The following SEPTIN14 variants were observed in gnomAD, a reference collection of about 807,000 sequenced individuals.
The protein encoded by SEPTIN14 is septin-14.
SEPTIN14 carries 40 observed loss-of-function variants against 53.6 expected under a neutral mutation model. The observed-to-expected ratio is 0.75, with a 90% confidence interval of 0.58 to 0.97. The LOEUF (loss-of-function observed/expected upper bound fraction) is 0.97, where lower values mean the gene tolerates loss of function less well. Among genes scored for constraint, SEPTIN14 ranks in the 50% least tolerant of loss-of-function variants. SEPTIN14 has a pLI of 0.00. For synonymous variants in SEPTIN14, 138 were observed against 166.8 expected (o/e 0.83, Z 1.33); for missense variants, 471 against 508.2 (o/e 0.93, Z 0.70).
chr7:55,834,634 GTT>G, intron 5 of SEPTIN14, 48 bp from the exon 6 acceptor site: 1 of 1,483,024 alleles, frequency 6.7e-7, no homozygotes, highest in South Asian at 1.3e-5. Context: ...TCATCTCACA[GTT>G]TTTTTGTTTT....
At chr7:55,806,392 A>C (rs1313622415) in intron 8 of SEPTIN14, among the ~76,000 whole-genome samples, 1 of 151,848 alleles carries the variant, frequency 6.6e-6, no homozygotes, top group Non-Finnish European at 1.5e-5. Flanking sequence ...TGGTTCCTCC[A>C]TCAAACTCTT....
chr7:55,851,774 C>T (rs549229565), intron 2 of SEPTIN14, among the ~76,000 whole-genome samples: 22 of 150,904 alleles, frequency 1.5e-4, no homozygotes, highest in Non-Finnish European at 2.4e-4. Flanking sequence ...TTTGGGAGGC[C>T]GAGGTGGGTG....
At chr7:55,811,220 T>C in intron 7 of SEPTIN14, 1 of 527,932 alleles carries the variant, frequency 1.9e-6, no homozygotes, top group Non-Finnish European at 3.8e-6. Flanking sequence ...CTTTGCGCAG[T>C]GCCTTGGGGA....
intron 2 of SEPTIN14, among the ~76,000 whole-genome samples, chr7:55,861,137 G>A (rs1225711778): frequency 6.6e-6 from 1 of 152,158 alleles, no homozygotes; most frequent in African/African-American, 2.4e-5. Flanking sequence ...AAAGCCCAAA[G>A]ATAAAATGGA....
In SEPTIN14 at chr7:55,808,157, C is replaced by G. The variant is rs527460475; in HGVS notation, c.818-899G>C. The stretch of plus-strand genomic sequence containing the variant: ...TAAACTACACTTTAGACCAAATAGA[C>G]CTAATGGACATATGTGGAATATTTC... On this transcript the variant is annotated intron_variant, in intron 7 of 9. Coordinates refer to ENST00000388975, the MANE Select transcript of SEPTIN14 (RefSeq NM_207366.3). Among the ~76,000 whole-genome samples, 6 of 152,196 alleles carry G rather than the reference C, an allele frequency of 3.9e-5. No individual in the cohort carries two copies. In the East Asian group the frequency reaches 1.2e-3, roughly 29 times the overall value.
chr7:55,806,932 G>A (rs144032309), intron 8 of SEPTIN14, among the ~76,000 whole-genome samples, 158 bp downstream of exon 8: 14 of 152,064 alleles, frequency 9.2e-5, no homozygotes, highest in Non-Finnish European at 1.6e-4. Context: ...CTCTACCTTC[G>A]TCAAAAGATC....
At chr7:55,822,341 A>G (rs1788910293) in intron 6 of SEPTIN14, among the ~76,000 whole-genome samples, 1 of 152,254 alleles carries the variant, frequency 6.6e-6, no homozygotes, top group African/African-American at 2.4e-5. Flanking sequence ...AACTTAACCT[A>G]TGTATTCACC....
At chr7:55,856,766 T>C (rs1789635131) in intron 2 of SEPTIN14, among the ~76,000 whole-genome samples, 1 of 152,136 alleles carries the variant, frequency 6.6e-6, no homozygotes, top group Non-Finnish European at 1.5e-5. Flanking sequence ...CTATTGTGAA[T>C]AGCGCTGAGA....
At chr7:55,857,518 G>GGAAGGGAAGGGAAGA (rs1248304234) in intron 2 of SEPTIN14, among the ~76,000 whole-genome samples, 4 of 113,522 alleles carry the variant, frequency 3.5e-5, no homozygotes, top group African/African-American at 1.4e-4. Context: ...GGAAGGGAAG[G>GGAAGGGAAGGGAAGA]GAAAGGAAAG....
intron 9 of SEPTIN14, chr7:55,798,592 CA>C: frequency 2.6e-6 from 1 of 381,804 alleles, no homozygotes; most frequent in Non-Finnish European, 5.1e-6. Context: ...GCAGCCCCAA[CA>C]AATGGGACAA....
chr7:55,860,462 T>G (rs113866461), intron 2 of SEPTIN14, among the ~76,000 whole-genome samples: 33 of 152,240 alleles, frequency 2.2e-4, no homozygotes, highest in African/African-American at 7.9e-4. Flanking sequence ...GTTCTGATGT[T>G]CTATAGCAGA....
At chr7:55,812,785 C>G (rs1238890873) in intron 7 of SEPTIN14, among the ~76,000 whole-genome samples, 1 of 152,056 alleles carries the variant, frequency 6.6e-6, no homozygotes, top group Non-Finnish European at 1.5e-5. Context: ...TAGCCTATGC[C>G]ATCTGACATT....
chr7:55,839,758 C>A (rs1456328932), intron 5 of SEPTIN14, among the ~76,000 whole-genome samples: 1 of 152,060 alleles, frequency 6.6e-6, no homozygotes, highest in Non-Finnish European at 1.5e-5. Context: ...TTGTCTCCCC[C>A]AGCAACCAAA....
At chr7:55,826,411 C>T (rs934830137) in intron 6 of SEPTIN14, among the ~76,000 whole-genome samples, 2 of 152,152 alleles carry the variant, frequency 1.3e-5, no homozygotes, top group Non-Finnish European at 2.9e-5. Context: ...TCAAAAGAAT[C>T]TTGCAGATCA....
At chr7:55,834,714 C>T in intron 5 of SEPTIN14, 128 bp from the exon 6 acceptor site, 1 of 629,796 alleles carries the variant, frequency 1.6e-6, no homozygotes, top group Non-Finnish European at 2.6e-6. Flanking sequence ...ACGATCTCGG[C>T]TCACTGCAAG....
chr7:55,816,415 G>A (rs1157100622), intron 7 of SEPTIN14, among the ~76,000 whole-genome samples: 1 of 152,146 alleles, frequency 6.6e-6, no homozygotes, highest in Non-Finnish European at 1.5e-5. Flanking sequence ...CTATCCTGAT[G>A]TGATTACTAC....
At chr7:55,849,401 C>T (rs1789480500) in intron 2 of SEPTIN14, among the ~76,000 whole-genome samples, 1 of 151,790 alleles carries the variant, frequency 6.6e-6, no homozygotes, top group Non-Finnish European at 1.5e-5. Flanking sequence ...CAAAAATTTG[C>T]TGCTTTGAAA....
At chr7:55,859,616 T>C (rs1789707683) in intron 2 of SEPTIN14, among the ~76,000 whole-genome samples, 1 of 152,192 alleles carries the variant, frequency 6.6e-6, no homozygotes, top group Non-Finnish European at 1.5e-5. Flanking sequence ...AGTCACTCTT[T>C]TTTCAATCCC....
intron 2 of SEPTIN14, among the ~76,000 whole-genome samples, chr7:55,852,362 A>G (rs1036948078): frequency 2.0e-5 from 3 of 152,124 alleles, no homozygotes; most frequent in African/African-American, 7.2e-5. Context: ...GGAACAGAAT[A>G]CAGAACTCAG....
Sources: allele counts gnomAD v4.1 joint callset (sites outside exome capture counted in the v4.1 genomes callset), GRCh38; gene constraint gnomAD v4.1.1; transcripts MANE v1.5; gene names NCBI Gene and HGNC (gene_info 2026-07-23, HGNC 2026-07-21).